The following ACOX3 variants were observed in gnomAD, a reference collection of about 807,000 sequenced individuals.
ACOX3 encodes the protein acyl-CoA oxidase 3, pristanoyl.
In ACOX3, 73 loss-of-function variants were observed where a neutral mutation model predicts 81.5. The observed-to-expected ratio is 0.90, with a 90% CI of 0.74 to 1.09. The LOEUF (loss-of-function observed/expected upper bound fraction) is 1.09, where lower values mean the gene tolerates loss of function less well. Ranked by LOEUF, ACOX3 falls within the 50% of genes least tolerant of loss-of-function variation. The probability of loss-of-function intolerance (pLI) is 0.00; values close to 1 mark genes in which losing one functional copy is unlikely to be tolerated. For synonymous variants in ACOX3, 387 were observed against 375.1 expected (o/e 1.03, Z -0.37); for missense variants, 947 against 928.0 (o/e 1.02, Z -0.27).
Position 8,437,027 on chromosome 4 carries a change from GA to G in ACOX3, c.-15+3620del, listed in dbSNP as rs1247230317. On this transcript the variant is annotated intron_variant, in intron 1 of 17. Coordinates refer to ENST00000356406, the MANE Select transcript of ACOX3 (RefSeq NM_003501.3). This position sits in a 1 kb window ranked among gnomAD's most constrained non-coding sequence, Gnocchi z 5.2. Reference sequence around the variant, plus strand: ...AAAAAATCAGCATATATATATATTCGAAAAAATATATATAAATATATATATA... The same window carrying G: ...AAAAAATCAGCATATATATATATTCGAAAAATATATATAAATATATATATA... 2.1e-5 allele frequency among the ~76,000 whole-genome samples: 3 copies of G among 140,002 alleles called. No homozygotes were observed. The highest frequency in any genetic ancestry group is 1.5e-4 in the Admixed American group (2 of 13,754). The allele number at this position is 140,002 out of a possible 152,430, so 91.8% of individuals were successfully genotyped here. A position where few individuals can be genotyped will look rare whatever the true frequency, so the allele number is the denominator to read the frequency against.
intron 14 of ACOX3, among the ~76,000 whole-genome samples, chr4:8,380,820 C>T (rs1412537214): frequency 6.6e-6 from 1 of 152,212 alleles, no homozygotes; most frequent in Non-Finnish European, 1.5e-5. Context: ...TGGCGCACTC[C>T]AGCCAAGAGT....
intron 7 of ACOX3, among the ~76,000 whole-genome samples, chr4:8,402,538 T>C (rs1420290416): frequency 2.0e-5 from 3 of 152,184 alleles, no homozygotes; most frequent in Non-Finnish European, 4.4e-5. Flanking sequence ...TATTCCCCCA[T>C]TCTCACCACA....
intron 8 of ACOX3, among the ~76,000 whole-genome samples, chr4:8,398,528 C>A (rs1414840637): frequency 1.3e-5 from 2 of 152,176 alleles, no homozygotes; most frequent in Non-Finnish European, 2.9e-5. Flanking sequence ...GTTGCCCACG[C>A]TGGAGTGCAG....
intron 1 of ACOX3, among the ~76,000 whole-genome samples, chr4:8,427,866 G>C (rs554225658): frequency 6.6e-6 from 1 of 152,312 alleles, no homozygotes; most frequent in Non-Finnish European, 1.5e-5. Context: ...AGGGTCTACT[G>C]TCTAGGCTGC....
intron 11 of ACOX3, among the ~76,000 whole-genome samples, chr4:8,391,743 G>A (rs999245647): frequency 6.6e-6 from 1 of 152,308 alleles, no homozygotes; most frequent in Middle Eastern, 3.4e-3. Flanking sequence ...GCACAGTGAG[G>A]TTAAGCAACC....
At chr4:8,408,945 A>G (rs1170402007) in intron 6 of ACOX3, among the ~76,000 whole-genome samples, 3 of 144,508 alleles carry the variant, frequency 2.1e-5, no homozygotes, top group African/African-American at 8.0e-5. Context: ...CCCCAGGTGA[A>G]CAGCATCAGT....
intron 1 of ACOX3, among the ~76,000 whole-genome samples, chr4:8,421,731 G>A (rs113158789): frequency 0.026 from 4,001 of 152,238 alleles, 161 homozygotes; most frequent in African/African-American, 0.087. Context: ...ATGAACCCAG[G>A]GAGTCTTGTC....
rs909269109 is a variant in ACOX3 at position 8,373,762 on chromosome 4, C to T, written c.1829-134G>A. On this transcript the variant is annotated intron_variant, in intron 15 of 17. Transcript: ENST00000356406. ...TTGGGTGAACACATCAGTGTCATTGCTGTCCCCAGCCCAGATGTGACCCAA... is the reference window on the plus strand; with the variant it reads ...TTGGGTGAACACATCAGTGTCATTGTTGTCCCCAGCCCAGATGTGACCCAA... 3 of 751,756 alleles carry T rather than the reference C, an allele frequency of 4.0e-6. No individual in the cohort carries two copies. The South Asian group carries it at 4.9e-5, about 12-fold the overall frequency. 46.6% of individuals were successfully genotyped at this position (751,756 alleles called of 1,614,324 possible).
At chr4:8,401,380 G>A (rs1226689128) in intron 7 of ACOX3, among the ~76,000 whole-genome samples, 1 of 152,124 alleles carries the variant, frequency 6.6e-6, no homozygotes, top group African/African-American at 2.4e-5. Flanking sequence ...TTTCCTGCGT[G>A]GGCTCTTCCT....
rs1244617380 is a variant in ACOX3, at chr4:8,385,013, C to G, written c.1538-3406G>C. Among the ~76,000 whole-genome samples, 1 of 152,152 alleles carries G rather than the reference C, an allele frequency of 6.6e-6. No homozygotes were observed. Among genetic ancestry groups the G allele is most frequent in the Non-Finnish European group, 1.5e-5 (1 of 68,024 alleles). ...CCAAGGAAGTGTTCAGGACTGTGGC[C>G]CCCCACACGCAGCAGCCCCCCACCG... On this transcript the variant is annotated intron_variant, in intron 13 of 17. Transcript: ENST00000356406. The surrounding 1 kb of genome is among the most constrained non-coding windows in gnomAD (Gnocchi z 5.5).
chr4:8,381,092 G>A lies in ACOX3; in HGVS notation c.1653+400C>T, dbSNP rs58002727. Among the ~76,000 whole-genome samples the A allele has an allele frequency of 6.9e-4, 105 of 152,270 alleles. 1 individual carries two copies. In the East Asian group the frequency reaches 0.014, roughly 20 times the overall value. On this transcript the variant is annotated intron_variant, in intron 14 of 17. Coordinates refer to ENST00000356406, the MANE Select transcript of ACOX3 (RefSeq NM_003501.3). This position sits in a 1 kb window ranked among gnomAD's most constrained non-coding sequence, Gnocchi z 4.3. Reference sequence around the variant, plus strand: ...CTCACCATTGCCACCCCAGCCCCTCGGGAAGGCGAGAGCAACTTGTGGAAA... The same window carrying A: ...CTCACCATTGCCACCCCAGCCCCTCAGGAAGGCGAGAGCAACTTGTGGAAA...
intron 8 of ACOX3, among the ~76,000 whole-genome samples, chr4:8,398,801 T>C (rs776425971): frequency 6.6e-6 from 1 of 152,236 alleles, no homozygotes; most frequent in Admixed American, 6.5e-5. Flanking sequence ...CCTCTCCTTC[T>C]GCCTTCTAGA....
At chr4:8,408,099 C>T (rs902114435) in intron 6 of ACOX3, among the ~76,000 whole-genome samples, 10 of 152,160 alleles carry the variant, frequency 6.6e-5, no homozygotes, top group Non-Finnish European at 1.5e-4. Flanking sequence ...TGTGCATGAC[C>T]TGCTAGCTGG....
intron 1 of ACOX3, among the ~76,000 whole-genome samples, chr4:8,421,232 G>A (rs977007665): frequency 3.3e-5 from 5 of 152,220 alleles, no homozygotes; most frequent in African/African-American, 9.6e-5. Flanking sequence ...AAAATACTGG[G>A]CACCTGTTGG....
Position 8,381,801 on chromosome 4 carries a change from C to A in ACOX3, c.1538-194G>T, listed in dbSNP as rs1200365829. Among the ~76,000 whole-genome samples the A allele has an allele frequency of 6.6e-6, 1 of 152,202 alleles. No homozygotes were observed. The highest frequency in any genetic ancestry group is 1.5e-5 in the Non-Finnish European group (1 of 68,018). ...CACAGGGAGGGCACCTGCCCAGGGC[C>A]CCCCTGGCTGGAGGCACTTCCTGGC... On this transcript the variant is annotated intron_variant, in intron 13 of 17. Transcript: ENST00000356406. The surrounding 1 kb of genome is among the most constrained non-coding windows in gnomAD (Gnocchi z 4.3).
chr4:8,392,185 T>G, intron 11 of ACOX3, 148 bp downstream of exon 11: 1 of 1,003,714 alleles, frequency 1.0e-6, no homozygotes, highest in Non-Finnish European at 1.4e-6. Flanking sequence ...TGAACGGGGG[T>G]GGCTGGCTGT....
chr4:8,396,679 GAAAAAAA>G (rs531424752), intron 9 of ACOX3, among the ~76,000 whole-genome samples: 2 of 100,684 alleles, frequency 2.0e-5, no homozygotes, highest in African/African-American at 7.5e-5. Flanking sequence ...CTCCGTCTGG[GAAAAAAA>G]AAAAAAAAAA....
chr4:8,364,920 C>T (rs146051536), downstream of ACOX3, among the ~76,000 whole-genome samples: 343 of 152,268 alleles, frequency 2.3e-3, no homozygotes, highest in Middle Eastern at 0.017. The surrounding 1 kb of genome is among the most constrained non-coding windows in gnomAD (Gnocchi z 5.0). Flanking sequence ...CAGGAGTGAC[C>T]GTGACTCTAA....
intron 1 of ACOX3, among the ~76,000 whole-genome samples, chr4:8,435,614 G>A (rs187151172): frequency 1.3e-5 from 2 of 152,364 alleles, no homozygotes; most frequent in Admixed American, 1.3e-4. Context: ...TTGGAGGACA[G>A]CCAGTGGACC....
Sources: allele counts gnomAD v4.1 joint callset (sites outside exome capture counted in the v4.1 genomes callset), GRCh38; gene constraint gnomAD v4.1.1; non-coding constraint Gnocchi (gnomAD v3.1); transcripts MANE v1.5; gene names NCBI Gene and HGNC (gene_info 2026-07-23, HGNC 2026-07-21).